KCNU1: variants seen among roughly 807,000 people sequenced by gnomAD.
The protein encoded by KCNU1 is potassium channel subfamily U member 1.
In KCNU1, 93 loss-of-function variants were observed where a neutral mutation model predicts 126.8. That is an observed-to-expected ratio of 0.73 (90% CI 0.62 to 0.87). The LOEUF is 0.87. KCNU1 is among the 40% of genes least tolerant of loss of function. The pLI is 0.00. For synonymous variants in KCNU1, 523 were observed against 494.2 expected (o/e 1.06, Z -0.77); for missense variants, 1,330 against 1,367.1 (o/e 0.97, Z 0.43).
chr8:36,936,125 A>G lies in KCNU1; in HGVS notation c.*205A>G. On this transcript the variant is annotated 3_prime_UTR_variant, in exon 27 of 27. Coordinates refer to ENST00000399881, the MANE Select transcript of KCNU1 (RefSeq NM_001031836.3). ...TGATAAATAAAGAAATATATGATCA[A>G]TGCTTCTGTAAGGAAAGTTCATTGC... 7.0e-6 allele frequency: 3 copies of G among 430,136 alleles called. No homozygotes were observed. The South Asian group carries it at 1.8e-4, about 25-fold the overall frequency. 26.6% of individuals were successfully genotyped at this position (430,136 alleles called of 1,614,324 possible). A position where few individuals can be genotyped will look rare whatever the true frequency, so the allele number is the denominator to read the frequency against.
chr8:36,871,852 T>C (rs573976927), intron 19 of KCNU1, among the ~76,000 whole-genome samples: 1 of 152,294 alleles, frequency 6.6e-6, no homozygotes, highest in Non-Finnish European at 1.5e-5. Flanking sequence ...TTTGCATGCT[T>C]TTATTCTTCA....
chr8:36,875,871 A>G (rs1258568771), intron 19 of KCNU1, among the ~76,000 whole-genome samples: 1 of 152,182 alleles, frequency 6.6e-6, no homozygotes, highest in Non-Finnish European at 1.5e-5. Context: ...CTTTCTAAAA[A>G]TCCCTGGTTT....
intron 23 of KCNU1, among the ~76,000 whole-genome samples, chr8:36,919,125 T>C (rs1808239623): frequency 6.6e-6 from 1 of 152,122 alleles, no homozygotes; most frequent in African/African-American, 2.4e-5. Context: ...ACTCTTTTAG[T>C]TACCAGCAGA....
intron 20 of KCNU1, 34 bp downstream of exon 20, chr8:36,905,838 G>A: frequency 9.8e-7 from 1 of 1,023,646 alleles, no homozygotes; most frequent in Non-Finnish European, 1.5e-6. Flanking sequence ...TCTCAAATAA[G>A]ATAAAGCATT....
In KCNU1 at chr8:36,818,559, T is replaced by C. The variant is rs528659887; in HGVS notation, c.1106+799T>C. 1.2e-4 allele frequency among the ~76,000 whole-genome samples: 18 copies of C among 152,312 alleles called. No homozygotes were observed. The South Asian group carries it at 3.5e-3, about 30-fold the overall frequency. On this transcript the variant is annotated intron_variant, in intron 10 of 26. Transcript: ENST00000399881. ...ATGCACTCCAGTCAGCTCATTCTTTTAGTGTTTAAGATCCATGGAATTGCT... is the reference window on the plus strand; with the variant it reads ...ATGCACTCCAGTCAGCTCATTCTTTCAGTGTTTAAGATCCATGGAATTGCT...
chr8:36,817,156 T>G (rs1004600189), intron 9 of KCNU1, among the ~76,000 whole-genome samples: 5 of 152,174 alleles, frequency 3.3e-5, no homozygotes, highest in African/African-American at 1.2e-4. Flanking sequence ...GGATATCTGA[T>G]GCTTCTTTTG....
intron 14 of KCNU1, among the ~76,000 whole-genome samples, chr8:36,839,835 C>T (rs993793051): frequency 6.6e-5 from 10 of 152,298 alleles, no homozygotes; most frequent in African/African-American, 2.4e-4. Flanking sequence ...ACGTCAGCCA[C>T]GAGTTCCTAA....
At position 36,817,703 on chromosome 8, in the gene KCNU1, G is replaced by C. The variant is rs934912193; in HGVS notation, c.1049G>C (p.Arg350Thr). ...ITVDSVTAFLRNFLRDKSGEI... is the reference protein window; with the variant it reads ...ITVDSVTAFLTNFLRDKSGEI... ...GTGGACAGTGTGACCGCTTTCCTGAGGAATTTCCTCCGCGACAAGTCAGGA... is the reference window on the plus strand; with the variant it reads ...GTGGACAGTGTGACCGCTTTCCTGACGAATTTCCTCCGCGACAAGTCAGGA... Residue 350 changes from arginine (R) to threonine (T), a missense_variant, in exon 10 of 27, where the codon AGG becomes ACG. Coordinates refer to ENST00000399881, the MANE Select transcript of KCNU1 (RefSeq NM_001031836.3). 3.7e-6 allele frequency: 6 copies of C among 1,613,006 alleles called. No individual in the cohort carries two copies. Among genetic ancestry groups the C allele is most frequent in the Non-Finnish European group, 5.1e-6 (6 of 1,179,296 alleles).
rs1585436544 is a variant in KCNU1, at chr8:36,836,805, A to G, written c.1378A>G (p.Lys460Glu). ...TGCTATGGAACAGGTTTATCTGCCA[A>G]AGATTCCCAGCTGGAACTGGGACAC... ...LQSHNKVYLP[K>E]IPSWNWDTGD... The change falls in exon 14 of 27, where the codon AAG (lysine) becomes GAG (glutamate). Residue 460 changes from lysine to glutamate, a missense_variant. By Grantham distance (56) the Lys-to-Glu change is moderately conservative. Coordinates refer to ENST00000399881, the MANE Select transcript of KCNU1 (RefSeq NM_001031836.3). 2.5e-6 allele frequency: 4 copies of G among 1,613,830 alleles called. No individual in the cohort carries two copies. The highest frequency in any genetic ancestry group is 3.4e-6 in the Non-Finnish European group (4 of 1,179,788).
chr8:36,930,403 A>G (rs180726799), intron 24 of KCNU1, among the ~76,000 whole-genome samples: 78 of 152,288 alleles, frequency 5.1e-4, no homozygotes, highest in Middle Eastern at 3.4e-3. Context: ...TAATTTCTAA[A>G]GTATAATGAG....
intron 18 of KCNU1, among the ~76,000 whole-genome samples, chr8:36,862,476 T>A (rs1385964082): frequency 6.6e-6 from 1 of 152,150 alleles, no homozygotes; most frequent in Non-Finnish European, 1.5e-5. Flanking sequence ...TCAGAAGACA[T>A]AACTTGGGCC....
chr8:36,847,959 T>C (rs1335231268), intron 18 of KCNU1, among the ~76,000 whole-genome samples: 1 of 152,244 alleles, frequency 6.6e-6, no homozygotes, highest in African/African-American at 2.4e-5. Flanking sequence ...CTCCACATCC[T>C]TGTCAGCATC....
chr8:36,906,598 AT>A (rs1180160442), intron 20 of KCNU1, among the ~76,000 whole-genome samples: 1 of 151,992 alleles, frequency 6.6e-6, no homozygotes, highest in East Asian at 1.9e-4. Context: ...CCCTATATAT[AT>A]TTTTTCATAT....
intron 22 of KCNU1, among the ~76,000 whole-genome samples, chr8:36,916,679 A>T (rs1388341871): frequency 1.3e-5 from 2 of 152,142 alleles, no homozygotes; most frequent in African/African-American, 4.8e-5. Context: ...CATCTGTGTA[A>T]ACCTTCCTCT....
chr8:36,827,909 T>C (rs1423996746), intron 10 of KCNU1, among the ~76,000 whole-genome samples: 2 of 152,178 alleles, frequency 1.3e-5, no homozygotes, highest in African/African-American at 2.4e-5. Flanking sequence ...TAATTTTCTC[T>C]GTGTCAGTTC....
chr8:36,841,027 T>G, intron 16 of KCNU1, 24 bp downstream of exon 16: 1 of 1,235,176 alleles, frequency 8.1e-7, no homozygotes, highest in Non-Finnish European at 1.1e-6. Flanking sequence ...TGCTCATCTC[T>G]TCAGTTGTTT....
rs34121138 is a variant in KCNU1, at chr8:36,879,211, G to GTATATATATATA, written c.2009+14707_2009+14718dup. Among the ~76,000 whole-genome samples, 952 of 101,680 alleles carry GTATATATATATA rather than the reference G, an allele frequency of 9.4e-3. 8 individuals carry two copies. Among genetic ancestry groups the GTATATATATATA allele is most frequent in the South Asian group, 0.017 (48 of 2,822 alleles). 66.7% of individuals were successfully genotyped at this position (101,680 alleles called of 152,430 possible). A position where few individuals can be genotyped will look rare whatever the true frequency, so the allele number is the denominator to read the frequency against. Reference sequence around the variant, plus strand: ...TATGTATGTGTGTGTGTGTGTGTGTGTATATATATATATATATATATATAT... The same window carrying GTATATATATATA: ...TATGTATGTGTGTGTGTGTGTGTGTGTATATATATATATATATATATATATATATATATATAT... On this transcript the variant is annotated intron_variant, in intron 19 of 26. Transcript: ENST00000399881.
rs149968866 is a variant in KCNU1, at chr8:36,802,654, G to A, written c.316-1373G>A. On this transcript the variant is annotated intron_variant, in intron 2 of 26. Coordinates refer to ENST00000399881, the MANE Select transcript of KCNU1 (RefSeq NM_001031836.3). ...TGGCCGTGAGAGAACAGGCTTCACC[G>A]AAATCAAGGGAACCGCAAATGGGAT... 5.1e-3 allele frequency among the ~76,000 whole-genome samples: 782 copies of A among 152,206 alleles called. 9 individuals carry two copies. Among genetic ancestry groups the A allele is most frequent in the African/African-American group, 0.018 (755 of 41,524 alleles).
intron 24 of KCNU1, chr8:36,928,890 A>C (rs1480152751): frequency 8.1e-6 from 5 of 620,704 alleles, no homozygotes; most frequent in African/African-American, 1.9e-5. Context: ...ATTCCTGTCC[A>C]TATATTCTGA....
Sources: allele counts gnomAD v4.1 joint callset (sites outside exome capture counted in the v4.1 genomes callset), GRCh38; gene constraint gnomAD v4.1.1; transcripts MANE v1.5; gene names NCBI Gene and HGNC (gene_info 2026-07-23, HGNC 2026-07-21).